NRG3: variants seen among roughly 807,000 people sequenced by gnomAD.
The protein encoded by NRG3 is neuregulin 3.
NRG3 carries 31 observed loss-of-function variants against 66.9 expected under a neutral mutation model. That is an observed-to-expected ratio of 0.46 (90% CI 0.35 to 0.63). The LOEUF (loss-of-function observed/expected upper bound fraction) is 0.63. Among genes scored for constraint, NRG3 ranks in the 20% least tolerant of loss-of-function variants. The probability of loss-of-function intolerance (pLI) is 0.00; values close to 1 mark genes in which losing one functional copy is unlikely to be tolerated. For missense variants in NRG3, 910 were observed against 878.9 expected (o/e 1.04, Z -0.45); for synonymous variants, 393 against 359.4 (o/e 1.09, Z -1.06).
intron 3 of NRG3, among the ~76,000 whole-genome samples, chr10:82,777,735 A>G (rs1452940889): frequency 6.6e-6 from 1 of 152,182 alleles, no homozygotes; most frequent in Non-Finnish European, 1.5e-5. Context: ...CATTTTGAGC[A>G]CTGAGAGAGG....
intron 2 of NRG3, among the ~76,000 whole-genome samples, chr10:82,632,341 A>G (rs907985523): frequency 2.6e-5 from 4 of 152,248 alleles, no homozygotes; most frequent in Admixed American, 6.5e-5. Flanking sequence ...AGACATCCAA[A>G]TGCTTTCTCC....
At chr10:82,878,786 AG>A (rs879303957) in intron 4 of NRG3, among the ~76,000 whole-genome samples, 6 of 152,206 alleles carry the variant, frequency 3.9e-5, no homozygotes, top group Non-Finnish European at 7.3e-5. Flanking sequence ...CATCCATAAA[AG>A]CATACCATTC....
intron 2 of NRG3, among the ~76,000 whole-genome samples, chr10:82,655,198 A>G (rs182201524): frequency 6.6e-6 from 1 of 152,242 alleles, no homozygotes; most frequent in Admixed American, 6.5e-5. Flanking sequence ...TGATTTGTAT[A>G]CTTTCTTAAT....
chr10:82,080,103 G>C (rs1054677672), intron 1 of NRG3, among the ~76,000 whole-genome samples: 17 of 152,118 alleles, frequency 1.1e-4, no homozygotes, highest in South Asian at 8.3e-4. Context: ...GAATGGCATG[G>C]ACTTTGCGTG....
chr10:82,825,120 T>C (rs1024447154), intron 3 of NRG3, among the ~76,000 whole-genome samples: 13 of 152,340 alleles, frequency 8.5e-5, no homozygotes, highest in Admixed American at 8.5e-4. Flanking sequence ...CTCTATGCTG[T>C]CTTCACTTTC....
At chr10:82,483,834 A>G (rs905541631) in intron 2 of NRG3, among the ~76,000 whole-genome samples, 3 of 152,204 alleles carry the variant, frequency 2.0e-5, no homozygotes, top group Non-Finnish European at 4.4e-5. Context: ...CTGCTAGTGT[A>G]TGGGCACAAA....
intron 2 of NRG3, among the ~76,000 whole-genome samples, chr10:82,727,231 C>T (rs2134593110): frequency 6.6e-6 from 1 of 152,306 alleles, no homozygotes; most frequent in East Asian, 1.9e-4. Flanking sequence ...TAACAAGGAG[C>T]CGAATGTTAA....
intron 6 of NRG3, among the ~76,000 whole-genome samples, chr10:82,970,942 A>G (rs113016024): frequency 1.9e-3 from 291 of 152,252 alleles, no homozygotes; most frequent in African/African-American, 6.8e-3. Context: ...AAAGAGGTTT[A>G]TTTGGCTCAC....
intron 1 of NRG3, among the ~76,000 whole-genome samples, chr10:82,143,436 G>T (rs1274035472): frequency 6.6e-6 from 1 of 152,184 alleles, no homozygotes; most frequent in African/African-American, 2.4e-5. Flanking sequence ...ATACTGTGCA[G>T]TTCAGTTCAG....
At chr10:82,762,018 C>G (rs1185943220) in intron 3 of NRG3, among the ~76,000 whole-genome samples, 1 of 126,408 alleles carries the variant, frequency 7.9e-6, no homozygotes, top group African/African-American at 2.9e-5. Flanking sequence ...TTCTTTCTTT[C>G]TTTTCTTTCT....
In NRG3 at chr10:82,382,472, G is replaced by A. The variant is rs188754344; in HGVS notation, c.953+23604G>A. Among the ~76,000 whole-genome samples the A allele has an allele frequency of 5.6e-3, 843 of 151,818 alleles. 7 individuals are homozygous for A. Among genetic ancestry groups the A allele is most frequent in the African/African-American group, 0.019 (798 of 41,458 alleles). On this transcript the variant is annotated intron_variant, in intron 2 of 8. Coordinates refer to ENST00000372141, the MANE Select transcript of NRG3 (RefSeq NM_001010848.4). ...TGATAAAGGAAAGGCACAAATTTTT[G>A]TATTTTTATTTATATCTAGTTACCT... is the stretch of plus-strand genomic sequence containing the variant.
intron 1 of NRG3, among the ~76,000 whole-genome samples, chr10:82,347,560 A>T (rs943943443): frequency 1.3e-5 from 2 of 150,964 alleles, no homozygotes; most frequent in South Asian, 2.1e-4. Flanking sequence ...TGGGGTGGAG[A>T]GTTCTGTAGA....
chr10:82,511,935 G>A (rs1201281805), intron 2 of NRG3, among the ~76,000 whole-genome samples: 2 of 151,854 alleles, frequency 1.3e-5, no homozygotes, highest in Non-Finnish European at 2.9e-5. Context: ...TCAAATTGCA[G>A]ATGGAAATGA....
intron 1 of NRG3, among the ~76,000 whole-genome samples, chr10:82,329,360 TC>T (rs2082026804): frequency 6.6e-6 from 1 of 151,668 alleles, no homozygotes; most frequent in Non-Finnish European, 1.5e-5. Flanking sequence ...TTCTTTTGCC[TC>T]AATTACCTAA....
intron 4 of NRG3, among the ~76,000 whole-genome samples, chr10:82,930,039 A>G (rs973375617): frequency 6.6e-6 from 1 of 152,198 alleles, no homozygotes; most frequent in African/African-American, 2.4e-5. Context: ...TTCCTTAGGT[A>G]CATGAGCTTC....
chr10:82,129,292 C>A (rs773701219), intron 1 of NRG3, among the ~76,000 whole-genome samples: 5 of 149,778 alleles, frequency 3.3e-5, no homozygotes, highest in African/African-American at 7.3e-5. Flanking sequence ...TCAGAGGGCA[C>A]AGTTCACATT....
At chr10:82,784,520 C>A (rs1224659049) in intron 3 of NRG3, among the ~76,000 whole-genome samples, 1 of 152,150 alleles carries the variant, frequency 6.6e-6, no homozygotes, top group African/African-American at 2.4e-5. Context: ...AAAAAACAAA[C>A]AACCCCATCA....
chr10:82,815,631 T>G (rs1357951833), intron 3 of NRG3, among the ~76,000 whole-genome samples: 1 of 152,116 alleles, frequency 6.6e-6, no homozygotes, highest in African/African-American at 2.4e-5. Context: ...CATGTGTATA[T>G]GTCATGGGAT....
intron 3 of NRG3, among the ~76,000 whole-genome samples, chr10:82,806,582 C>T (rs1296749636): frequency 6.6e-6 from 1 of 152,182 alleles, no homozygotes; most frequent in East Asian, 1.9e-4. Flanking sequence ...TCAAGTATTT[C>T]TCTCTAGAAA....
Sources: allele counts gnomAD v4.1 joint callset (sites outside exome capture counted in the v4.1 genomes callset), GRCh38; gene constraint gnomAD v4.1.1; transcripts MANE v1.5; gene names NCBI Gene and HGNC (gene_info 2026-07-23, HGNC 2026-07-21).